ZNF678: variants seen among roughly 807,000 people sequenced by gnomAD.
The protein encoded by ZNF678 is hypothetical protein MGC42493.
A neutral mutation model predicts 3.0 loss-of-function variants in ZNF678; 5 were observed. The ratio of observed to expected loss-of-function variants is 1.69; its 90% CI spans 0.88 to 3.56. The LOEUF (loss-of-function observed/expected upper bound fraction) is 3.56, where lower values mean the gene tolerates loss of function less well. ZNF678 is among the 30% of genes most tolerant of loss of function. ZNF678 has a pLI of 0.00. For missense variants in ZNF678, 593 were observed against 605.0 expected, an observed-to-expected ratio of 0.98 and a Z score of 0.21; for synonymous variants, 218 against 199.6, an observed-to-expected ratio of 1.09 and a Z score of -0.78.
chr1:227,584,469 C>T (rs1036168895), intron 1 of ZNF678, among the ~76,000 whole-genome samples: 1 of 152,204 alleles, frequency 6.6e-6, no homozygotes, highest in Non-Finnish European at 1.5e-5. Flanking sequence ...TAGGTATTTA[C>T]CTTGCTCTAT....
intron 1 of ZNF678, among the ~76,000 whole-genome samples, chr1:227,583,459 C>T (rs1309547365): frequency 6.7e-6 from 1 of 149,028 alleles, no homozygotes; most frequent in African/African-American, 2.5e-5. Context: ...TCAAGCAATT[C>T]TCATACCTTG....
At chr1:227,595,837 G>T (rs1050073767) in intron 1 of ZNF678, among the ~76,000 whole-genome samples, 1 of 152,162 alleles carries the variant, frequency 6.6e-6, no homozygotes, top group Non-Finnish European at 1.5e-5. Flanking sequence ...ATCAGGCCAC[G>T]CTTCCACTCA....
At chr1:227,653,154 A>G (rs1659129172) in intron 3 of ZNF678, among the ~76,000 whole-genome samples, 1 of 152,110 alleles carries the variant, frequency 6.6e-6, no homozygotes, top group Non-Finnish European at 1.5e-5. Context: ...GAATGCTTAT[A>G]AATGACACAT....
At chr1:227,649,501 C>T (rs1219878780) in intron 2 of ZNF678, among the ~76,000 whole-genome samples, 1 of 152,182 alleles carries the variant, frequency 6.6e-6, no homozygotes, top group Non-Finnish European at 1.5e-5. Flanking sequence ...CAGGCATGCA[C>T]CACCACACTC....
chr1:227,567,065 G>A (rs1656707090), intron 1 of ZNF678, among the ~76,000 whole-genome samples: 1 of 152,188 alleles, frequency 6.6e-6, no homozygotes, highest in African/African-American at 2.4e-5. Context: ...GACATTAAAT[G>A]TTCTGTATTT....
chr1:227,587,816 C>CT (rs199804279), intron 1 of ZNF678, among the ~76,000 whole-genome samples: 3,496 of 127,614 alleles, frequency 0.027, 68 homozygotes, highest in South Asian at 0.066. Context: ...TCACCCTTTC[C>CT]TTTTTTTTTT....
Position 227,655,039 on chromosome 1 carries a change from A to C in ZNF678, c.789A>C (p.Lys263Asn), listed in dbSNP as rs1345194580. 1 of 1,612,186 alleles carries C rather than the reference A, an allele frequency of 6.2e-7. No homozygotes were observed. The highest frequency in any genetic ancestry group is 1.1e-5 in the South Asian group (1 of 90,934). Residue 263 changes from lysine (K) to asparagine (N), a missense_variant, in exon 4 of 4, where the codon AAA (lysine) becomes AAC (asparagine). Coordinates refer to ENST00000343776, the MANE Select transcript of ZNF678 (RefSeq NM_001367909.1). ...ATAAGAGAATTCATACTGGAGAGAA[A>C]CCTTACAAGTGTGAAGAATGTGGCA... ...TQHKRIHTGE[K>N]PYKCEECGNV...
chr1:227,599,424 T>C (rs991260767), intron 1 of ZNF678, among the ~76,000 whole-genome samples: 2 of 152,192 alleles, frequency 1.3e-5, no homozygotes, highest in African/African-American at 4.8e-5. Flanking sequence ...TTAAATACTG[T>C]ATGTAATTAG....
intron 1 of ZNF678, among the ~76,000 whole-genome samples, chr1:227,572,920 G>A (rs1656891219): frequency 6.6e-6 from 1 of 152,238 alleles, no homozygotes; most frequent in Admixed American, 6.5e-5. Context: ...CTGCCTGGCG[G>A]TCCTTATCTG....
chr1:227,572,796 G>A (rs938946446), intron 1 of ZNF678, among the ~76,000 whole-genome samples: 1 of 152,220 alleles, frequency 6.6e-6, no homozygotes, highest in African/African-American at 2.4e-5. Flanking sequence ...AAGGCCTTCT[G>A]GAGTCTTCAT....
At chr1:227,605,386 A>G (rs1657837981) in intron 1 of ZNF678, among the ~76,000 whole-genome samples, 2 of 152,202 alleles carry the variant, frequency 1.3e-5, no homozygotes, top group South Asian at 4.1e-4. Flanking sequence ...CTCAGAAATT[A>G]AAAGAATTTT....
chr1:227,641,269 A>G (rs1270874675), intron 1 of ZNF678, among the ~76,000 whole-genome samples: 4 of 152,198 alleles, frequency 2.6e-5, no homozygotes, highest in Admixed American at 6.5e-5. Context: ...GAGAGTGCCA[A>G]CACACAAGGC....
chr1:227,598,145 A>T (rs1375343764), intron 1 of ZNF678, among the ~76,000 whole-genome samples: 1 of 152,214 alleles, frequency 6.6e-6, no homozygotes, highest in Non-Finnish European at 1.5e-5. Flanking sequence ...CTTCTAGCTA[A>T]AAGTATTAAT....
At chr1:227,589,426 G>T (rs1657349368) in intron 1 of ZNF678, among the ~76,000 whole-genome samples, 1 of 151,684 alleles carries the variant, frequency 6.6e-6, no homozygotes, top group South Asian at 2.1e-4. Context: ...GCTTGATTTT[G>T]TTAGGTTTGT....
downstream of ZNF678, among the ~76,000 whole-genome samples, chr1:227,665,011 T>C (rs993368481): frequency 1.3e-5 from 2 of 152,168 alleles, no homozygotes; most frequent in African/African-American, 4.8e-5. Context: ...CTAGAAGTCA[T>C]TGTGTATTTT....
At chr1:227,633,554 T>C (rs1810680) in intron 1 of ZNF678, among the ~76,000 whole-genome samples, 105,129 of 152,036 alleles carry the variant, frequency 0.69, 37,714 homozygotes, top group African/African-American at 0.88. Context: ...CTAATCCTGT[T>C]TCTCACAGAG....
intron 1 of ZNF678, among the ~76,000 whole-genome samples, chr1:227,612,005 G>T (rs557693100): frequency 5.9e-5 from 9 of 152,282 alleles, no homozygotes; most frequent in African/African-American, 2.2e-4. Flanking sequence ...TGTCCCTCCA[G>T]CATGCCAGAA....
At chr1:227,583,814 T>A (rs1159641207) in intron 1 of ZNF678, among the ~76,000 whole-genome samples, 2 of 152,110 alleles carry the variant, frequency 1.3e-5, no homozygotes, top group Non-Finnish European at 2.9e-5. Context: ...TCCAAAGTAT[T>A]TTGTTGGGAT....
intron 1 of ZNF678, among the ~76,000 whole-genome samples, chr1:227,616,909 G>A (rs543668361): frequency 5.9e-5 from 9 of 152,294 alleles, no homozygotes; most frequent in African/African-American, 2.2e-4. Flanking sequence ...TTCCCAGTGG[G>A]GTCCAGAGCA....
Sources: allele counts gnomAD v4.1 joint callset (sites outside exome capture counted in the v4.1 genomes callset), GRCh38; gene constraint gnomAD v4.1.1; transcripts MANE v1.5; gene names NCBI Gene and HGNC (gene_info 2026-07-23, HGNC 2026-07-21).